PALLD: variants seen among roughly 807,000 people sequenced by gnomAD.
PALLD encodes palladin, cytoskeletal associated protein, also known as palladin.
PALLD carries 61 observed loss-of-function variants against 123.5 expected under a neutral mutation model. That is an observed-to-expected ratio of 0.49 (90% CI 0.40 to 0.61). The LOEUF (loss-of-function observed/expected upper bound fraction) is 0.61. PALLD is among the 20% of genes least tolerant of loss of function. The probability of loss-of-function intolerance (pLI) is 0.00; values close to 1 mark genes in which losing one functional copy is unlikely to be tolerated. For synonymous variants in PALLD, 465 were observed against 496.4 expected (o/e 0.94, Z 0.84); for missense variants, 1,273 against 1,377.0 (o/e 0.92, Z 1.20).
intron 11 of PALLD, among the ~76,000 whole-genome samples, chr4:168,893,022 C>T (rs2151203718): frequency 6.6e-6 from 1 of 152,078 alleles, no homozygotes; most frequent in Non-Finnish European, 1.5e-5. Flanking sequence ...TAGACACGGG[C>T]TTTTATAGCC....
At chr4:168,924,129 T>C (rs1210861755) in intron 18 of PALLD, 126 bp from the exon 19 acceptor site, 2 of 790,888 alleles carry the variant, frequency 2.5e-6, no homozygotes, top group East Asian at 5.3e-5. Context: ...ACTAGCATCT[T>C]ACCACCTGGA....
At chr4:168,842,987 G>C (rs1339050538) in intron 10 of PALLD, among the ~76,000 whole-genome samples, 1 of 152,106 alleles carries the variant, frequency 6.6e-6, no homozygotes, top group Non-Finnish European at 1.5e-5. Context: ...TGATAGACGG[G>C]GGTCCCACAA....
intron 2 of PALLD, among the ~76,000 whole-genome samples, chr4:168,652,041 A>T (rs1229944196): frequency 1.3e-5 from 2 of 152,048 alleles, no homozygotes; most frequent in Non-Finnish European, 2.9e-5. Context: ...CCCTCTCAGG[A>T]GGGTAGGCTC....
chr4:168,793,519 G>C (rs1274860131), intron 10 of PALLD, among the ~76,000 whole-genome samples: 1 of 151,840 alleles, frequency 6.6e-6, no homozygotes, highest in African/African-American at 2.4e-5. Flanking sequence ...AGAAAGAAGG[G>C]TAGAGAGTAT....
intron 2 of PALLD, among the ~76,000 whole-genome samples, chr4:168,616,039 AT>A (rs961352045): frequency 6.6e-6 from 1 of 151,754 alleles, no homozygotes; most frequent in African/African-American, 2.4e-5. Flanking sequence ...TTGTGACAGT[AT>A]TTTTTGCCTA....
chr4:168,706,869 C>T (rs1454971755), intron 8 of PALLD, among the ~76,000 whole-genome samples: 1 of 151,716 alleles, frequency 6.6e-6, no homozygotes, highest in African/African-American at 2.4e-5. Flanking sequence ...GAATCAAATA[C>T]AACAAACTCT....
intron 2 of PALLD, among the ~76,000 whole-genome samples, chr4:168,565,651 G>A (rs1263535511): frequency 6.6e-6 from 1 of 152,046 alleles, no homozygotes; most frequent in Non-Finnish European, 1.5e-5. Flanking sequence ...AAACACAGGT[G>A]CAGATTTACA....
At chr4:168,557,282 GATC>G (rs1767417126) in intron 2 of PALLD, among the ~76,000 whole-genome samples, 2 of 152,214 alleles carry the variant, frequency 1.3e-5, no homozygotes, top group African/African-American at 4.8e-5. Context: ...GACCTCAGGT[GATC>G]TGCCCATCTC....
intron 2 of PALLD, among the ~76,000 whole-genome samples, chr4:168,637,741 T>C (rs1212221228): frequency 6.6e-6 from 1 of 152,056 alleles, no homozygotes; most frequent in Non-Finnish European, 1.5e-5. Flanking sequence ...GTCAGGAGTT[T>C]GAGACCAGCC....
intron 2 of PALLD, among the ~76,000 whole-genome samples, chr4:168,655,140 A>T (rs1778431208): frequency 6.6e-6 from 1 of 152,192 alleles, no homozygotes; most frequent in African/African-American, 2.4e-5. Flanking sequence ...ATCAAATTAA[A>T]AGAGTTCTCT....
At chr4:168,558,478 C>T (rs913720381) in intron 2 of PALLD, among the ~76,000 whole-genome samples, 2 of 152,182 alleles carry the variant, frequency 1.3e-5, no homozygotes, top group African/African-American at 2.4e-5. Flanking sequence ...AACACCCCTC[C>T]CTCAGCTCTT....
At chr4:168,803,216 G>A (rs1364583103) in intron 10 of PALLD, among the ~76,000 whole-genome samples, 2 of 152,074 alleles carry the variant, frequency 1.3e-5, no homozygotes, top group East Asian at 1.9e-4. Context: ...GGGAGGCCTC[G>A]GGAATCATAC....
intron 10 of PALLD, among the ~76,000 whole-genome samples, chr4:168,765,444 AG>A (rs2150468682): frequency 6.6e-6 from 1 of 152,304 alleles, no homozygotes; most frequent in East Asian, 1.9e-4. Flanking sequence ...AGAGGACTCA[AG>A]GTAATGCAAG....
intron 10 of PALLD, among the ~76,000 whole-genome samples, chr4:168,806,298 A>G (rs1740182351): frequency 6.6e-6 from 1 of 152,216 alleles, no homozygotes; most frequent in South Asian, 2.1e-4. Context: ...TCCTGACTTC[A>G]GATGATCTGC....
At chr4:168,676,208 C>T (rs372732524) in intron 3 of PALLD, among the ~76,000 whole-genome samples, 15 of 151,740 alleles carry the variant, frequency 9.9e-5, no homozygotes, top group African/African-American at 3.4e-4. Context: ...CCTATTCTGT[C>T]ACAGACATCT....
chr4:168,605,894 A>T (rs1197729717), intron 2 of PALLD, among the ~76,000 whole-genome samples: 1 of 152,230 alleles, frequency 6.6e-6, no homozygotes, highest in Admixed American at 6.5e-5. Context: ...GGCTACGCCA[A>T]TGTCAATATA....
Position 168,517,438 on chromosome 4 carries a change from T to C in PALLD, c.908+5026T>C, listed in dbSNP as rs567667941. 3.9e-5 allele frequency among the ~76,000 whole-genome samples: 6 copies of C among 152,306 alleles called. No individual in the cohort carries two copies. In the South Asian group the frequency reaches 1.2e-3, roughly 32 times the overall value. On this transcript the variant is annotated intron_variant, in intron 2 of 21. Transcript: ENST00000505667. ...TTTATTTACTATATATAATTAAAAG[T>C]AATACAATTATTTCTTTTTATAATC...
chr4:168,871,339 C>T (rs1751043650), intron 10 of PALLD, among the ~76,000 whole-genome samples: 1 of 152,084 alleles, frequency 6.6e-6, no homozygotes, highest in African/African-American at 2.4e-5. Context: ...TCTGTCTGTC[C>T]TTTCTTCCCT....
chr4:168,647,561 A>G (rs1015001330), intron 2 of PALLD, among the ~76,000 whole-genome samples: 4 of 152,278 alleles, frequency 2.6e-5, no homozygotes, highest in Admixed American at 2.0e-4. Context: ...CAGGCACGTC[A>G]TCTGAGGTCA....
Sources: gnomAD v4.1 joint callset for allele counts (sites outside exome capture counted in the v4.1 genomes callset) on GRCh38, gnomAD v4.1.1 for gene constraint, MANE v1.5 for transcripts, NCBI Gene and HGNC (gene_info 2026-07-23, HGNC 2026-07-21) for gene names.